IZUMO3: variants seen among roughly 807,000 people sequenced by gnomAD.
IZUMO3 encodes the protein izumo sperm-egg fusion protein 3.
In IZUMO3, 36 loss-of-function variants were observed where a neutral mutation model predicts 28.4. The observed-to-expected ratio is 1.27, with a 90% confidence interval of 0.97 to 1.67. The LOEUF is 1.67. Ranked by LOEUF, IZUMO3 falls within the 40% of genes most tolerant of loss-of-function variation. The pLI is 0.00. For synonymous variants in IZUMO3, 126 were observed against 99.2 expected, an observed-to-expected ratio of 1.27 and a Z score of -1.61; for missense variants, 387 against 278.5, an observed-to-expected ratio of 1.39 and a Z score of -2.77.
At position 24,544,750 on chromosome 9, in the gene IZUMO3, T is replaced by C; in HGVS notation, c.402A>G (p.Glu134=). ...CACATGTACTGTACTCACTGCAATCTTCAGAACAAGCTAGAAGAGAATCAG... is the reference window on the plus strand; with the variant it reads ...CACATGTACTGTACTCACTGCAATCCTCAGAACAAGCTAGAAGAGAATCAG... ...LKNFSEIACS[E]DCIVVEGPIL... Residue 134 remains glutamate (E), a synonymous_variant, in exon 4 of 7, where the codon GAA becomes GAG. Transcript: ENST00000543880. 2 of 1,550,242 alleles carry C rather than the reference T, an allele frequency of 1.3e-6. No individual in the cohort carries two copies. The highest frequency in any genetic ancestry group is 2.4e-5 in the East Asian group (1 of 40,894).
chr9:24,545,381 C>G, intron 1 of IZUMO3, 43 bp downstream of exon 1: 2 of 1,546,574 alleles, frequency 1.3e-6, no homozygotes, highest in Non-Finnish European at 1.7e-6. Flanking sequence ...CCTCCCTTCT[C>G]CGTTTAAGCC....
rs1325944100 is a variant in IZUMO3 at position 24,545,404 on chromosome 9, G to A, written c.226+20C>T. On this transcript the variant is annotated intron_variant, in intron 1 of 6. Coordinates refer to ENST00000543880, the MANE Select transcript of IZUMO3 (RefSeq NM_001365008.2). ...CTCCGTTTAAGCCCCTGGACTCTCA[G>A]GAACTCAAGCTTCCCTCACCCAACA... The A allele has an allele frequency of 2.6e-6, 4 of 1,543,428 alleles. No homozygotes were observed. In the East Asian group the frequency reaches 7.3e-5, roughly 28 times the overall value.
At chr9:24,543,880 A>G (rs1365164090) in intron 5 of IZUMO3, 126 bp from the exon 6 acceptor site, 5 of 669,852 alleles carry the variant, frequency 7.5e-6, no homozygotes, top group Non-Finnish European at 7.7e-6. Flanking sequence ...TCACTGTTCC[A>G]TGCTTATTTT....
chr9:24,543,570 T>G, intron 6 of IZUMO3, 94 bp downstream of exon 6: 1 of 1,054,272 alleles, frequency 9.5e-7, no homozygotes, highest in South Asian at 1.5e-5. Flanking sequence ...TGACTTCTTT[T>G]GCTTTATTTC....
intron 6 of IZUMO3, 79 bp from the exon 7 acceptor site, chr9:24,543,446 T>TTTTTTG: frequency 1.3e-6 from 1 of 753,944 alleles, no homozygotes. Context: ...TTGTTTTTTT[T>TTTTTTG]TTTTTTTTTT....
chr9:24,545,393 C>G (rs1368767064), intron 1 of IZUMO3, 31 bp downstream of exon 1: 3 of 1,545,298 alleles, frequency 1.9e-6, no homozygotes, highest in African/African-American at 2.7e-5. Flanking sequence ...GTTTAAGCCC[C>G]TGGACTCTCA....
In IZUMO3 at chr9:24,543,343, C is replaced by T. The variant is rs771327617; in HGVS notation, c.606G>A (p.Arg202=). 1.2e-5 allele frequency: 18 copies of T among 1,545,638 alleles called. 1 individual carries two copies. In the South Asian group the frequency reaches 2.2e-4, roughly 19 times the overall value. ...ACCTTCGTATTGCCTTCATTTTCCTCCGATGAAAGATGCAAAAATGGAATC... is the reference window on the plus strand; with the variant it reads ...ACCTTCGTATTGCCTTCATTTTCCTTCGATGAAAGATGCAAAAATGGAATC... ...VLLFHFCIFH[R]RKMKAIRRSL... The change falls in exon 7 of 7, where the codon CGG becomes CGA. Residue 202 remains arginine (R), a synonymous_variant. Transcript: ENST00000543880.
intron 1 of IZUMO3, 36 bp from the exon 2 acceptor site, chr9:24,545,322 A>G: frequency 6.5e-7 from 1 of 1,546,820 alleles, no homozygotes; most frequent in Non-Finnish European, 8.7e-7. Context: ...GTAGGGGAAT[A>G]ATTACATCTA....
intron 4 of IZUMO3, 118 bp downstream of exon 4, chr9:24,544,625 C>T (rs1415351369): frequency 1.1e-6 from 1 of 877,164 alleles, no homozygotes; most frequent in Non-Finnish European, 1.8e-6. Flanking sequence ...CCCCTTGTAA[C>T]CACAGCTCTA....
At chr9:24,545,316 G>C (rs1460482677) in intron 1 of IZUMO3, 30 bp from the exon 2 acceptor site, 1 of 1,546,762 alleles carries the variant, frequency 6.5e-7, no homozygotes, top group Non-Finnish European at 8.7e-7. Flanking sequence ...GTACATGTAG[G>C]GGAATAATTA....
In IZUMO3 at chr9:24,545,843, T is replaced by C; in HGVS notation, c.-194A>G. The C allele has an allele frequency of 1.3e-6, 2 of 1,536,690 alleles. No homozygotes were observed. The highest frequency in any genetic ancestry group is 3.5e-4 in the Middle Eastern group (2 of 5,792). On this transcript the variant is annotated 5_prime_UTR_variant, in exon 1 of 7. It adds an upstream start codon to the 5' untranslated region. Coordinates refer to ENST00000543880, the MANE Select transcript of IZUMO3 (RefSeq NM_001365008.2). Reference sequence around the variant, plus strand: ...TGATCTTTAGTTGTTTACTGACTATTATCCTTCATTCTAGGAGAGGGAACT... The same window carrying C: ...TGATCTTTAGTTGTTTACTGACTATCATCCTTCATTCTAGGAGAGGGAACT...
chr9:24,545,203 G>C lies in IZUMO3; in HGVS notation c.301+9C>G. 15 of 1,547,398 alleles carry C rather than the reference G, an allele frequency of 9.7e-6. No homozygotes were observed. Among genetic ancestry groups the C allele is most frequent in the Non-Finnish European group, 1.3e-5 (15 of 1,144,196 alleles). On this transcript the variant is annotated intron_variant, in intron 2 of 6. Coordinates refer to ENST00000543880, the MANE Select transcript of IZUMO3 (RefSeq NM_001365008.2). ...AATACAAACTTTTAACATTGAAACA[G>C]TACCTCACCTTTCCATGTTTCATTG...
chr9:24,543,173 A>C lies in IZUMO3; in HGVS notation c.*56T>G. ...GAAAGGGTTTACCTCCCAGTTTTGTACTTAGAGTCAACACTTAAGAGAATC... is the reference window on the plus strand; with the variant it reads ...GAAAGGGTTTACCTCCCAGTTTTGTCCTTAGAGTCAACACTTAAGAGAATC... On this transcript the variant is annotated 3_prime_UTR_variant, in exon 7 of 7. Transcript: ENST00000543880. 7.1e-7 allele frequency: 1 copy of C among 1,400,870 alleles called. No individual in the cohort carries two copies. The highest frequency in any genetic ancestry group is 9.5e-7 in the Non-Finnish European group (1 of 1,049,770). The allele number at this position is 1,400,870 out of a possible 1,614,324, so 86.8% of individuals were successfully genotyped here.
chr9:24,544,521 A>G (rs563704474), intron 4 of IZUMO3, among the ~76,000 whole-genome samples: 1 of 152,202 alleles, frequency 6.6e-6, no homozygotes, highest in African/African-American at 2.4e-5. Flanking sequence ...TGGGTTGTAA[A>G]CCATATGTTA....
Position 24,543,252 on chromosome 9 carries a change from TCTC to T in IZUMO3, c.694_696del (p.Glu232del). 3 of 1,546,318 alleles carry T rather than the reference TCTC, an allele frequency of 1.9e-6. No individual in the cohort carries two copies. The highest frequency in any genetic ancestry group is 1.4e-5 in the African/African-American group (1 of 72,912). ...GTTTATTTTCTGAGTCTAAAGTCTT[TCTC>T]CTCCTTCTCATCTATCTTCCCCATT... On this transcript the variant is annotated inframe_deletion, in exon 7 of 7. Coordinates refer to ENST00000543880, the MANE Select transcript of IZUMO3 (RefSeq NM_001365008.2).
Position 24,544,218 on chromosome 9 carries a change from T to G in IZUMO3, c.473A>C (p.Lys158Thr). The G allele has an allele frequency of 6.5e-7, 1 of 1,549,632 alleles. No individual in the cohort carries two copies. The highest frequency in any genetic ancestry group is 8.7e-7 in the Non-Finnish European group (1 of 1,146,090). The change falls in exon 5 of 7, where the codon AAA becomes ACA. Residue 158 changes from lysine (K) to threonine (T), a missense_variant. Lys to Thr is a moderately conservative substitution (Grantham distance 78). Coordinates refer to ENST00000543880, the MANE Select transcript of IZUMO3 (RefSeq NM_001365008.2). ...TCLRMTNRCFKGEYCGDEDPR... is the reference protein window; with the variant it reads ...TCLRMTNRCFTGEYCGDEDPR... ...TTTGTTACCTCCACAATATTCTCCTTTGAAGCACCTGTTAGTCATGCGAAG... is the reference window on the plus strand; with the variant it reads ...TTTGTTACCTCCACAATATTCTCCTGTGAAGCACCTGTTAGTCATGCGAAG...
At position 24,543,129 on chromosome 9, in the gene IZUMO3, A is replaced by G. The variant is rs1196088902; in HGVS notation, c.*100T>C. ...CTAAGTTCTATTTCAGTTTTAAAAT[A>G]CTATGACTTTATGACCAAGAAAGGG... On this transcript the variant is annotated 3_prime_UTR_variant, in exon 7 of 7. Transcript: ENST00000543880. The G allele has an allele frequency of 2.2e-6, 2 of 928,580 alleles. No individual in the cohort carries two copies. Among genetic ancestry groups the G allele is most frequent in the Middle Eastern group, 2.3e-4 (1 of 4,354 alleles). The allele number at this position is 928,580 out of a possible 1,614,324, so 57.5% of individuals were successfully genotyped here.
chr9:24,545,518 G>A lies in IZUMO3; in HGVS notation c.132C>T (p.Val44=), dbSNP rs1026468520. The change falls in exon 1 of 7, where the codon GTC becomes GTT. Residue 44 remains valine (V), a synonymous_variant. Coordinates refer to ENST00000543880, the MANE Select transcript of IZUMO3 (RefSeq NM_001365008.2). ...GTTCAAGCAGCTGAGTTCGGCCGGG[G>A]ACTTCTGAAGGTATCAGATTTCCCA... The part of the protein sequence containing the change: ...SLLGNLIPSE[V]PGRTQLLERQ... 3.9e-6 allele frequency: 6 copies of A among 1,535,208 alleles called. No homozygotes were observed. Among genetic ancestry groups the A allele is most frequent in the East Asian group, 4.9e-5 (2 of 40,872 alleles).
rs1219247402 is a variant in IZUMO3, at chr9:24,545,481, C to T, written c.169G>A (p.Glu57Lys). Reference sequence around the variant, plus strand: ...ACCTTGAAGCTTAAATGAATCATCTCCTTAATCTGCCGTTCAAGCAGCTGA... The same window carrying T: ...ACCTTGAAGCTTAAATGAATCATCTTCTTAATCTGCCGTTCAAGCAGCTGA... ...RTQLLERQIK[E>K]MIHLSFKVSH... The change falls in exon 1 of 7, where the codon GAG (glutamate) becomes AAG (lysine). Residue 57 changes from glutamate to lysine, a missense_variant. Transcript: ENST00000543880. The T allele has an allele frequency of 6.1e-5, 93 of 1,535,616 alleles. No individual in the cohort carries two copies. Among genetic ancestry groups the T allele is most frequent in the Non-Finnish European group, 8.1e-5 (93 of 1,146,732 alleles).
Sources: gnomAD v4.1 joint callset for allele counts (sites outside exome capture counted in the v4.1 genomes callset) on GRCh38, gnomAD v4.1.1 for gene constraint, MANE v1.5 for transcripts, NCBI Gene and HGNC (gene_info 2026-07-23, HGNC 2026-07-21) for gene names.